Variants in MOSMO observed in about 807,000 individuals in gnomAD.
MOSMO encodes the protein modulator of smoothened.
In MOSMO, 5 loss-of-function variants were observed where a neutral mutation model predicts 18.4. The ratio of observed to expected loss-of-function variants is 0.27; its 90% CI spans 0.14 to 0.57. The LOEUF is 0.57. MOSMO is among the 20% of genes least tolerant of loss of function. MOSMO has a pLI of 0.92. For missense variants in MOSMO, 138 were observed against 211.8 expected (o/e 0.65, Z 2.16); for synonymous variants, 82 against 82.3 (o/e 1.00, Z 0.02).
Position 22,084,639 on chromosome 16 carries a change from C to T in MOSMO, c.*3759C>T, listed in dbSNP as rs1449899166. ...CAAGTTTATCAAAATAAATTGTCTA[C>T]TAAAGAAACTAAAAAGGCTTCTATT... On this transcript the variant is annotated 3_prime_UTR_variant, in exon 3 of 3. Coordinates refer to ENST00000542527, the MANE Select transcript of MOSMO (RefSeq NM_001164579.2). 6.6e-6 allele frequency: 1 copy of T among 152,126 alleles called. No homozygotes were observed. The highest frequency in any genetic ancestry group is 6.6e-5 in the Admixed American group (1 of 15,266). 9.4% of individuals were successfully genotyped at this position (152,126 alleles called of 1,614,324 possible).
At chr16:22,055,802 T>C (rs1900520652) in intron 1 of MOSMO, among the ~76,000 whole-genome samples, 1 of 152,244 alleles carries the variant, frequency 6.6e-6, no homozygotes, top group African/African-American at 2.4e-5. Context: ...GGTTTTGTAA[T>C]GGAAAGTGGA....
chr16:22,075,765 A>G, intron 2 of MOSMO, 66 bp downstream of exon 2: 1 of 1,173,520 alleles, frequency 8.5e-7, no homozygotes, highest in Non-Finnish European at 1.2e-6. Flanking sequence ...TTTTATGAAG[A>G]TAATCAAGAA....
chr16:22,010,644 C>T (rs1178851756), intron 1 of MOSMO, among the ~76,000 whole-genome samples: 1 of 152,144 alleles, frequency 6.6e-6, no homozygotes, highest in Non-Finnish European at 1.5e-5. Context: ...CATAGCCGGG[C>T]GTGGTGGCTC....
intron 1 of MOSMO, among the ~76,000 whole-genome samples, chr16:22,051,462 C>T (rs1031991113): frequency 1.3e-5 from 2 of 151,584 alleles, no homozygotes; most frequent in African/African-American, 4.8e-5. Flanking sequence ...AGAAAAATAA[C>T]AAACTAGGCT....
chr16:22,047,653 A>G (rs1900340738), intron 1 of MOSMO, among the ~76,000 whole-genome samples: 1 of 152,108 alleles, frequency 6.6e-6, no homozygotes, highest in Non-Finnish European at 1.5e-5. Flanking sequence ...CCCTATATGC[A>G]GGTTTTTCTG....
intron 1 of MOSMO, among the ~76,000 whole-genome samples, chr16:22,063,445 A>G (rs1339487963): frequency 6.6e-6 from 1 of 152,222 alleles, no homozygotes; most frequent in Non-Finnish European, 1.5e-5. Flanking sequence ...AGAAGGTAGT[A>G]GTGCACATTT....
At chr16:22,035,487 A>C (rs1900090134) in intron 1 of MOSMO, among the ~76,000 whole-genome samples, 1 of 151,256 alleles carries the variant, frequency 6.6e-6, no homozygotes, top group Non-Finnish European at 1.5e-5. Context: ...CTCCTTGCTC[A>C]AGCCTGGGCC....
chr16:22,023,143 C>A (rs1035992821), intron 1 of MOSMO, among the ~76,000 whole-genome samples: 3 of 152,078 alleles, frequency 2.0e-5, no homozygotes, highest in Non-Finnish European at 4.4e-5. Flanking sequence ...ACTTAAGAAA[C>A]CATAGCAAAG....
chr16:22,048,484 T>C (rs1900359433), intron 1 of MOSMO, among the ~76,000 whole-genome samples: 1 of 152,242 alleles, frequency 6.6e-6, no homozygotes, highest in African/African-American at 2.4e-5. Flanking sequence ...TAAATCTTTT[T>C]AGCTTTTGAA....
intron 1 of MOSMO, among the ~76,000 whole-genome samples, chr16:22,061,240 G>T (rs1900639845): frequency 6.6e-6 from 1 of 152,150 alleles, no homozygotes; most frequent in Non-Finnish European, 1.5e-5. Flanking sequence ...AGAACTCATT[G>T]AATTGTACAT....
intron 1 of MOSMO, among the ~76,000 whole-genome samples, chr16:22,042,844 A>G (rs1045801026): frequency 3.3e-5 from 5 of 152,136 alleles, no homozygotes; most frequent in African/African-American, 9.7e-5. Flanking sequence ...ATATGCAACA[A>G]CTCTGAGATA....
chr16:22,038,803 A>G (rs577819470), intron 1 of MOSMO, among the ~76,000 whole-genome samples: 71 of 152,218 alleles, frequency 4.7e-4, no homozygotes, highest in Non-Finnish European at 5.9e-4. Flanking sequence ...AATGATGCCA[A>G]TCTTACAGTT....
downstream of MOSMO, among the ~76,000 whole-genome samples, chr16:22,086,608 G>A (rs771371593): frequency 2.0e-5 from 3 of 152,234 alleles, no homozygotes; most frequent in South Asian, 2.1e-4. Flanking sequence ...TGTAACTTAC[G>A]TGAGCCTTGG....
chr16:22,060,167 A>G (rs1244510620), intron 1 of MOSMO, among the ~76,000 whole-genome samples: 10 of 151,024 alleles, frequency 6.6e-5, no homozygotes, highest in Non-Finnish European at 3.0e-5. Context: ...ACAGAGTGAG[A>G]CTCTGTCTCA....
At chr16:22,021,444 C>G (rs932828481) in intron 1 of MOSMO, among the ~76,000 whole-genome samples, 5 of 152,042 alleles carry the variant, frequency 3.3e-5, no homozygotes, top group Non-Finnish European at 7.4e-5. Flanking sequence ...TATCCTCTTA[C>G]TTGAAAATAA....
chr16:22,084,666 C>T (rs1042238501), downstream of MOSMO: 4 of 152,146 alleles, frequency 2.6e-5, no homozygotes, highest in Admixed American at 6.5e-5. Flanking sequence ...GCTTCTATTA[C>T]TTTGAAATAA....
Position 22,037,553 on chromosome 16 carries a change from A to G in MOSMO, c.106+29146A>G, listed in dbSNP as rs1900131989. 3.3e-5 allele frequency among the ~76,000 whole-genome samples: 5 copies of G among 152,296 alleles called. No individual in the cohort carries two copies. In the South Asian group the frequency reaches 8.3e-4, roughly 25 times the overall value. On this transcript the variant is annotated intron_variant, in intron 1 of 2. Coordinates refer to ENST00000542527, the MANE Select transcript of MOSMO (RefSeq NM_001164579.2). The stretch of plus-strand genomic sequence containing the variant: ...ATAGATCCCATAGATTGAGGGGTCA[A>G]ACCTACAAGCTGCCCCCAATCCTAA...
downstream of MOSMO, chr16:22,092,333 T>G: frequency 3.1e-6 from 1 of 323,800 alleles, no homozygotes; most frequent in Non-Finnish European, 6.0e-6. Flanking sequence ...GGTTCTGAAA[T>G]TAGAAAAGAG....
At position 22,066,267 on chromosome 16, in the gene MOSMO, T is replaced by TA. The variant is rs1237032092; in HGVS notation, c.107-9219dup. On this transcript the variant is annotated intron_variant, in intron 1 of 2. Coordinates refer to ENST00000542527, the MANE Select transcript of MOSMO (RefSeq NM_001164579.2). ...TTCAGAGTTTGCTCTGTTCTATTCC[T>TA]AGGCATTTGTTAAAAACAGTCAGCA... Among the ~76,000 whole-genome samples, 4 of 4,532 alleles carry TA rather than the reference T, an allele frequency of 8.8e-4. No individual in the cohort carries two copies. The Non-Finnish European group carries it at 0.011, about 13-fold the overall frequency. 3.0% of individuals were successfully genotyped at this position (4,532 alleles called of 152,430 possible). A position where few individuals can be genotyped will look rare whatever the true frequency, so the allele number is the denominator to read the frequency against.
Sources: gnomAD v4.1 joint callset for allele counts (sites outside exome capture counted in the v4.1 genomes callset) on GRCh38, gnomAD v4.1.1 for gene constraint, MANE v1.5 for transcripts, NCBI Gene and HGNC (gene_info 2026-07-23, HGNC 2026-07-21) for gene names.